Variants in SORCS2 observed in about 807,000 individuals in gnomAD.
SORCS2 encodes sortilin related VPS10 domain containing receptor 2.
In SORCS2, 100 loss-of-function variants were observed where a neutral mutation model predicts 141.6. The observed-to-expected ratio is 0.71, with a 90% confidence interval of 0.60 to 0.83. The LOEUF (loss-of-function observed/expected upper bound fraction) is 0.83. Among genes scored for constraint, SORCS2 ranks in the 40% least tolerant of loss-of-function variants. The probability of loss-of-function intolerance (pLI) is 0.00; values close to 1 mark genes in which losing one functional copy is unlikely to be tolerated. For synonymous variants in SORCS2, 789 were observed against 676.9 expected, an observed-to-expected ratio of 1.17 and a Z score of -2.57; for missense variants, 1,646 against 1,560.2, an observed-to-expected ratio of 1.05 and a Z score of -0.93.
At chr4:7,680,528 C>T (rs76625977) in intron 9 of SORCS2, among the ~76,000 whole-genome samples, 5 of 152,370 alleles carry the variant, frequency 3.3e-5, no homozygotes, top group East Asian at 3.9e-4. Flanking sequence ...GGAGCTGGCT[C>T]CTCCCGGCCC....
chr4:7,503,823 A>G (rs970085781), intron 2 of SORCS2, among the ~76,000 whole-genome samples: 5 of 152,186 alleles, frequency 3.3e-5, no homozygotes, highest in East Asian at 1.9e-4. Flanking sequence ...TCACATTTCA[A>G]TCTTTCTCGT....
chr4:7,388,436 T>C (rs890112701), intron 1 of SORCS2, among the ~76,000 whole-genome samples: 4 of 152,202 alleles, frequency 2.6e-5, no homozygotes, highest in African/African-American at 9.7e-5. Flanking sequence ...GAGTCTTCTT[T>C]ATTTTATTTG....
chr4:7,248,063 C>T (rs1713235798), intron 1 of SORCS2, among the ~76,000 whole-genome samples: 1 of 152,222 alleles, frequency 6.6e-6, no homozygotes, highest in South Asian at 2.1e-4. Context: ...CCATCATACA[C>T]ACAGCCCCGG....
intron 12 of SORCS2, among the ~76,000 whole-genome samples, chr4:7,702,737 A>G (rs1415582350): frequency 6.6e-6 from 1 of 152,234 alleles, no homozygotes; most frequent in Non-Finnish European, 1.5e-5. Flanking sequence ...GAAGGCTCAC[A>G]AGTGGCCCTG....
chr4:7,413,391 C>CT (rs34379092), intron 2 of SORCS2, among the ~76,000 whole-genome samples: 37,433 of 83,980 alleles, frequency 0.45, 10,999 homozygotes, highest in Middle Eastern at 0.68. Flanking sequence ...TTCACAGCTG[C>CT]TTTTTTTTTT....
At chr4:7,378,298 G>T (rs1286178883) in intron 1 of SORCS2, among the ~76,000 whole-genome samples, 3 of 152,162 alleles carry the variant, frequency 2.0e-5, no homozygotes, top group Non-Finnish European at 4.4e-5. Context: ...ATAATTTAAG[G>T]CACCTTTTTG....
intron 1 of SORCS2, among the ~76,000 whole-genome samples, chr4:7,334,138 A>C (rs1719840155): frequency 6.6e-6 from 1 of 152,106 alleles, no homozygotes; most frequent in African/African-American, 2.4e-5. Flanking sequence ...GGGCGGCACA[A>C]GTGAAACGTC....
At chr4:7,460,232 C>T (rs1046729011) in intron 2 of SORCS2, 2 of 154,682 alleles carry the variant, frequency 1.3e-5, no homozygotes, top group East Asian at 1.9e-4. Flanking sequence ...GCAGTGGTAC[C>T]TTGGGGTCCT....
chr4:7,200,267 C>T (rs1727417708), intron 1 of SORCS2, among the ~76,000 whole-genome samples: 1 of 152,172 alleles, frequency 6.6e-6, no homozygotes, highest in Non-Finnish European at 1.5e-5. Flanking sequence ...CAGGGGTGCA[C>T]TCCATGCTGT....
intron 1 of SORCS2, among the ~76,000 whole-genome samples, chr4:7,291,807 C>T (rs1027840222): frequency 2.6e-5 from 4 of 152,188 alleles, no homozygotes; most frequent in African/African-American, 7.2e-5. Context: ...ACACGGAAGC[C>T]GATATGCAAA....
chr4:7,658,596 A>G (rs1205506594), intron 5 of SORCS2, among the ~76,000 whole-genome samples: 1 of 152,236 alleles, frequency 6.6e-6, no homozygotes, highest in African/African-American at 2.4e-5. Flanking sequence ...AAAATGATTG[A>G]TGCTGGTGCC....
chr4:7,210,109 T>A (rs902462492), intron 1 of SORCS2, among the ~76,000 whole-genome samples: 4 of 151,990 alleles, frequency 2.6e-5, no homozygotes, highest in Admixed American at 6.5e-5. Flanking sequence ...TCAGGGAGGG[T>A]CTCTCAGAGG....
At chr4:7,547,171 T>C (rs113615046) in intron 3 of SORCS2, among the ~76,000 whole-genome samples, 1,954 of 152,250 alleles carry the variant, frequency 0.013, 43 homozygotes, top group African/African-American at 0.044. Context: ...GGCTTCAGCA[T>C]TGCCCTCTAA....
intron 1 of SORCS2, among the ~76,000 whole-genome samples, chr4:7,383,390 C>T (rs910803345): frequency 6.6e-6 from 1 of 152,174 alleles, no homozygotes; most frequent in Non-Finnish European, 1.5e-5. Context: ...CGCCCCTCCT[C>T]CCCCTGCAAG....
chr4:7,537,299 G>A (rs972441223), intron 3 of SORCS2, among the ~76,000 whole-genome samples: 4 of 152,176 alleles, frequency 2.6e-5, no homozygotes, highest in African/African-American at 9.7e-5. Flanking sequence ...AGCTTCTCCT[G>A]GTCTCCCAGG....
chr4:7,623,718 T>G (rs1006347481), intron 3 of SORCS2, among the ~76,000 whole-genome samples: 2 of 152,190 alleles, frequency 1.3e-5, no homozygotes, highest in Non-Finnish European at 2.9e-5. Flanking sequence ...CCCCCTCTTG[T>G]TCAGTGACCG....
At chr4:7,196,837 T>G (rs74862098) in intron 1 of SORCS2, among the ~76,000 whole-genome samples, 1 of 152,316 alleles carries the variant, frequency 6.6e-6, no homozygotes, top group African/African-American at 2.4e-5. Flanking sequence ...GAAGAGCTTC[T>G]GAAACTTGTT....
chr4:7,358,468 G>A (rs1226341815), intron 1 of SORCS2, among the ~76,000 whole-genome samples: 2 of 152,226 alleles, frequency 1.3e-5, no homozygotes, highest in African/African-American at 4.8e-5. Context: ...AGAAGAGATT[G>A]GGATGCCAGA....
intron 3 of SORCS2, among the ~76,000 whole-genome samples, chr4:7,635,126 C>A (rs554995596): frequency 2.0e-5 from 3 of 152,192 alleles, no homozygotes; most frequent in Non-Finnish European, 4.4e-5. Flanking sequence ...TGGTGAGTGT[C>A]CCAGGCTAAT....
Sources: allele counts gnomAD v4.1 joint callset (sites outside exome capture counted in the v4.1 genomes callset), GRCh38; gene constraint gnomAD v4.1.1; transcripts MANE v1.5; gene names NCBI Gene and HGNC (gene_info 2026-07-23, HGNC 2026-07-21).